CCM2L: variants seen among roughly 807,000 people sequenced by gnomAD.
CCM2L encodes the protein CCM2 like scaffold protein, also known as cerebral cavernous malformations 2 protein-like.
CCM2L carries 36 observed loss-of-function variants against 54.1 expected under a neutral mutation model. That is an observed-to-expected ratio of 0.67 (90% CI 0.51 to 0.88). CCM2L has a LOEUF of 0.88. CCM2L is among the 40% of genes least tolerant of loss of function. CCM2L has a pLI of 0.00. For missense variants in CCM2L, 700 were observed against 812.1 expected, an observed-to-expected ratio of 0.86 and a Z score of 1.68; for synonymous variants, 351 against 359.3, an observed-to-expected ratio of 0.98 and a Z score of 0.26.
At chr20:32,011,710 G>A (rs1218217237) in intron 1 of CCM2L, among the ~76,000 whole-genome samples, 4 of 152,056 alleles carry the variant, frequency 2.6e-5, no homozygotes, top group Non-Finnish European at 5.9e-5. Flanking sequence ...AAGGAAAGTG[G>A]GTAGGGAAGA....
rs758651981 is a variant in CCM2L at position 32,019,352 on chromosome 20, G to A, written c.876G>A (p.Pro292=). 6 of 1,488,368 alleles carry A rather than the reference G, an allele frequency of 4.0e-6. No homozygotes were observed. Among genetic ancestry groups the A allele is most frequent in the Admixed American group, 4.4e-5 (2 of 45,508 alleles). The allele number at this position is 1,488,368 out of a possible 1,614,324, so 92.2% of individuals were successfully genotyped here. The change falls in exon 5 of 10, where the codon CCG becomes CCA. Residue 292 remains proline (P), a synonymous_variant. Transcript: ENST00000452892. ...RRHPGPNPLD[P]QDPSPDAYCN... is the part of the protein sequence containing the mutation. ...ACCCCGGCCCCAACCCGCTCGACCC[G>A]CAGGACCCCAGCCCCGACGCCTACT...
chr20:32,029,021 C>A lies in CCM2L; in HGVS notation c.1160C>A (p.Ala387Glu), dbSNP rs1475043714. ...SFNGSQDTFE[A>E]CYSGTSTPSF... ...AATGGCTCCCAGGACACCTTTGAAG[C>A]ATGTTACAGCGGCACGTCCACACCT... The change falls in exon 8 of 10, where the codon GCA (alanine) becomes GAA (glutamate). Residue 387 changes from alanine to glutamate, a missense_variant. Ala to Glu is a moderately radical substitution (Grantham distance 107). Transcript: ENST00000452892. 6.2e-7 allele frequency: 1 copy of A among 1,614,190 alleles called. No homozygotes were observed. The highest frequency in any genetic ancestry group is 1.7e-5 in the Admixed American group (1 of 60,024).
chr20:32,019,480 C>A, intron 5 of CCM2L, 71 bp downstream of exon 5: 1 of 1,136,570 alleles, frequency 8.8e-7, no homozygotes, highest in Non-Finnish European at 1.2e-6. Flanking sequence ...CACCTTGCCC[C>A]CGCCCCACCC....
At chr20:32,010,513 G>A (rs1190119506) in intron 1 of CCM2L, 29 bp downstream of exon 1, 4 of 1,399,642 alleles carry the variant, frequency 2.9e-6, no homozygotes, top group Admixed American at 2.1e-5. Flanking sequence ...GGGACGAAGG[G>A]AGAGGAATGT....
chr20:32,025,558 A>AT (rs1009006191), intron 6 of CCM2L, among the ~76,000 whole-genome samples: 2 of 151,358 alleles, frequency 1.3e-5, no homozygotes, highest in Non-Finnish European at 2.9e-5. Context: ...TGAGCCACAA[A>AT]TTTTTTTTTC....
intron 4 of CCM2L, 131 bp downstream of exon 4, chr20:32,018,293 G>A (rs992506644): frequency 1.7e-5 from 12 of 722,874 alleles, no homozygotes; most frequent in East Asian, 3.8e-5. Flanking sequence ...GACCTGCGGC[G>A]GGGGCAGAGG....
In CCM2L at chr20:32,022,748, G is replaced by T; in HGVS notation, c.1022G>T (p.Gly341Val). 3 of 1,613,784 alleles carry T rather than the reference G, an allele frequency of 1.9e-6. No individual in the cohort carries two copies. The highest frequency in any genetic ancestry group is 3.5e-4 in the Middle Eastern group (2 of 5,794). ...AGTATTGAGTGTGTGGACCGGGCTG[G>T]CTACCACTACACATCCACACCTGAA... ...DQSIECVDRA[G>V]YHYTSTPERP... Residue 341 changes from glycine (G) to valine (V), a missense_variant, in exon 6 of 10, where the codon GGC (glycine) becomes GTC (valine). Coordinates refer to ENST00000452892, the MANE Select transcript of CCM2L (RefSeq NM_001365692.1).
intron 1 of CCM2L, among the ~76,000 whole-genome samples, chr20:32,013,946 T>C (rs887475443): frequency 6.6e-6 from 1 of 152,146 alleles, no homozygotes; most frequent in Admixed American, 6.5e-5. Context: ...TAGGTGGTGC[T>C]GCTGGTCCAG....
intron 1 of CCM2L, among the ~76,000 whole-genome samples, chr20:32,012,620 T>C (rs988595289): frequency 9.2e-5 from 14 of 152,118 alleles, no homozygotes; most frequent in Non-Finnish European, 2.1e-4. Context: ...GGGAGCTTGG[T>C]AGAAATGCAC....
At position 32,018,027 on chromosome 20, in the gene CCM2L, C is replaced by T; in HGVS notation, c.331C>T (p.Leu111=). Residue 111 remains leucine (L), a synonymous_variant, in exon 4 of 10, where the codon CTG becomes TTG. Transcript: ENST00000452892. ...GACCACGGCGGAGCAGGACAGCATC[C>T]TGAGCCTGTCTGCCCGCTGCCTGCT... ...LKTTAEQDSI[L]SLSARCLLLT... 1.2e-6 allele frequency: 2 copies of T among 1,613,832 alleles called. No individual in the cohort carries two copies. Among genetic ancestry groups the T allele is most frequent in the Non-Finnish European group, 1.7e-6 (2 of 1,180,000 alleles).
At chr20:32,017,634 A>G (rs1343274569) in intron 2 of CCM2L, among the ~76,000 whole-genome samples, 166 bp from the exon 3 acceptor site, 1 of 152,196 alleles carries the variant, frequency 6.6e-6, no homozygotes, top group Non-Finnish European at 1.5e-5. Context: ...AGCGCTCAGA[A>G]CTTTGCCTAG....
At chr20:32,029,313 A>G (rs2064896341) in intron 8 of CCM2L, 189 bp downstream of exon 8, 1 of 719,346 alleles carries the variant, frequency 1.4e-6, no homozygotes, top group Admixed American at 2.9e-5. Context: ...AGCTGGCATT[A>G]ATTGAGTGCC....
chr20:32,016,015 C>T (rs557598459), intron 2 of CCM2L, among the ~76,000 whole-genome samples: 8 of 152,124 alleles, frequency 5.3e-5, no homozygotes, highest in Non-Finnish European at 7.4e-5. Context: ...CACCACCACA[C>T]GCAGCTAATT....
At chr20:32,022,613 T>A (rs1300156427) in intron 5 of CCM2L, 47 bp from the exon 6 acceptor site, 1 of 1,605,832 alleles carries the variant, frequency 6.2e-7, no homozygotes, top group African/African-American at 1.3e-5. Context: ...GGTAACATCT[T>A]GGTCATTGGT....
chr20:32,019,697 C>G (rs1045275331), intron 5 of CCM2L, among the ~76,000 whole-genome samples: 1 of 152,322 alleles, frequency 6.6e-6, no homozygotes, highest in South Asian at 2.1e-4. Flanking sequence ...CAGTAACATT[C>G]ACGAGGACAC....
rs1568910348 is a variant in CCM2L, at chr20:32,015,028, AC to A, written c.160del (p.Gln54ArgfsTer21). ...CTTTATCCCCCCGACTACCTCATCGACCCCCAGATTCTGCTGTGTGACTACC... is the reference window on the plus strand; with the variant it reads ...CTTTATCCCCCCGACTACCTCATCGACCCCAGATTCTGCTGTGTGACTACC... ...MPLYPPDYLI[D>X]PQILLCDYLE... is the part of the protein sequence containing the mutation. On this transcript the variant is annotated frameshift_variant, in exon 2 of 10. Transcript: ENST00000452892. LOFTEE classifies it high-confidence loss of function. 1 of 1,549,734 alleles carries A rather than the reference AC, an allele frequency of 6.5e-7. No homozygotes were observed. Among genetic ancestry groups the A allele is most frequent in the Non-Finnish European group, 8.7e-7 (1 of 1,150,896 alleles).
chr20:32,025,747 A>G, intron 6 of CCM2L, 109 bp from the exon 7 acceptor site: 2 of 691,194 alleles, frequency 2.9e-6, no homozygotes, highest in Non-Finnish European at 4.5e-6. Context: ...TGTTGGTGTC[A>G]GAGGCAGGAC....
At chr20:32,010,612 T>G (rs2064684882) in intron 1 of CCM2L, 128 bp downstream of exon 1, 1 of 865,558 alleles carries the variant, frequency 1.2e-6, no homozygotes, top group Non-Finnish European at 1.9e-6. Flanking sequence ...CATTTGGAAG[T>G]AACTTCCTTC....
chr20:32,021,494 A>G (rs2122345647), intron 5 of CCM2L, among the ~76,000 whole-genome samples: 1 of 152,272 alleles, frequency 6.6e-6, no homozygotes, highest in East Asian at 1.9e-4. Context: ...CGTCTCTACT[A>G]AAAATACAAA....
Sources: allele counts gnomAD v4.1 joint callset (sites outside exome capture counted in the v4.1 genomes callset), GRCh38; gene constraint gnomAD v4.1.1; transcripts MANE v1.5; gene names NCBI Gene and HGNC (gene_info 2026-07-23, HGNC 2026-07-21).